The following DSCAM variants were observed in gnomAD, a reference collection of about 807,000 sequenced individuals.
The protein encoded by DSCAM is cell adhesion molecule DSCAM.
Under a neutral mutation model 217.7 loss-of-function variants are expected in DSCAM, and 47 were observed. The ratio of observed to expected loss-of-function variants is 0.22; its 90% CI spans 0.17 to 0.28. The LOEUF (loss-of-function observed/expected upper bound fraction) is 0.28. DSCAM is among the 10% of genes least tolerant of loss of function. The pLI is 1.00. For synonymous variants in DSCAM, 1,056 were observed against 1,015.3 expected (o/e 1.04, Z -0.76); for missense variants, 2,080 against 2,618.3 (o/e 0.79, Z 4.49).
In DSCAM at chr21:40,639,921, T is replaced by C. The variant is rs545571879; in HGVS notation, c.508+52889A>G. 5.3e-5 allele frequency among the ~76,000 whole-genome samples: 8 copies of C among 152,218 alleles called. No individual in the cohort carries two copies. The South Asian group carries it at 1.7e-3, about 32-fold the overall frequency. ...CTTAATGGGAGGAGAAAAAAACCCA[T>C]GCCTTGTTCTACACGGGCTCCATAT... On this transcript the variant is annotated intron_variant, in intron 3 of 32. Coordinates refer to ENST00000400454, the MANE Select transcript of DSCAM (RefSeq NM_001389.5).
At chr21:40,714,807 G>T (rs2090824206) in intron 1 of DSCAM, among the ~76,000 whole-genome samples, 2 of 152,142 alleles carry the variant, frequency 1.3e-5, no homozygotes, top group Admixed American at 1.3e-4. Context: ...GTTTCAGGAG[G>T]CCAGGGCAGA....
chr21:40,238,443 A>C (rs1409254302), intron 11 of DSCAM, among the ~76,000 whole-genome samples: 3 of 152,190 alleles, frequency 2.0e-5, no homozygotes, highest in Non-Finnish European at 2.9e-5. Context: ...AGAGCTGGAT[A>C]GCTTTTGGGG....
intron 1 of DSCAM, among the ~76,000 whole-genome samples, chr21:40,783,986 T>C (rs1259620636): frequency 6.6e-6 from 1 of 151,692 alleles, no homozygotes; most frequent in Non-Finnish European, 1.5e-5. Context: ...GAAAAGAAAA[T>C]ATTTTAAAAG....
intron 3 of DSCAM, among the ~76,000 whole-genome samples, chr21:40,454,885 G>A (rs1045665117): frequency 2.0e-5 from 3 of 152,128 alleles, no homozygotes; most frequent in Non-Finnish European, 4.4e-5. Context: ...CTATCTCGAC[G>A]TCCACAAGAA....
At chr21:40,156,420 T>C (rs1226988627) in intron 16 of DSCAM, among the ~76,000 whole-genome samples, 1 of 151,422 alleles carries the variant, frequency 6.6e-6, no homozygotes, top group Non-Finnish European at 1.5e-5. Flanking sequence ...AAGTATCTGT[T>C]CAGAAGAACC....
At chr21:40,475,077 G>A (rs565362593) in intron 3 of DSCAM, among the ~76,000 whole-genome samples, 66 of 152,288 alleles carry the variant, frequency 4.3e-4, no homozygotes, top group Middle Eastern at 3.4e-3. Context: ...AGCACTTAAG[G>A]TTTCCAGAAG....
At chr21:40,022,756 CAAAT>C (rs1460431423) in intron 32 of DSCAM, among the ~76,000 whole-genome samples, 2 of 150,366 alleles carry the variant, frequency 1.3e-5, no homozygotes, top group Non-Finnish European at 2.9e-5. Flanking sequence ...TGCCTTTAGA[CAAAT>C]GAATGAGGCA....
chr21:40,810,933 A>AT (rs34612538), intron 1 of DSCAM, among the ~76,000 whole-genome samples: 33,731 of 151,894 alleles, frequency 0.22, 5,058 homozygotes, highest in African/African-American at 0.43. Context: ...TATAAAAATA[A>AT]TTTTTTCACT....
chr21:40,308,198 G>C (rs1410902032), intron 9 of DSCAM, among the ~76,000 whole-genome samples: 2 of 152,116 alleles, frequency 1.3e-5, no homozygotes, highest in African/African-American at 4.8e-5. Flanking sequence ...TGCTGTTGGG[G>C]GTCTGGATTT....
intron 1 of DSCAM, among the ~76,000 whole-genome samples, chr21:40,767,297 G>C (rs1427399026): frequency 6.6e-6 from 1 of 152,068 alleles, no homozygotes; most frequent in African/African-American, 2.4e-5. Context: ...TCTGAAATAA[G>C]GGTCGTAGAA....
intron 3 of DSCAM, among the ~76,000 whole-genome samples, chr21:40,502,878 T>C (rs2076180700): frequency 6.6e-6 from 1 of 152,138 alleles, no homozygotes; most frequent in Admixed American, 6.6e-5. Flanking sequence ...TAGTAATAAT[T>C]TGCTAAATGA....
At chr21:40,761,442 T>G (rs541345260) in intron 1 of DSCAM, among the ~76,000 whole-genome samples, 3 of 151,486 alleles carry the variant, frequency 2.0e-5, no homozygotes, top group Non-Finnish European at 4.4e-5. Context: ...CATCTTATAT[T>G]TGAACACAGA....
At chr21:40,222,344 T>C (rs2091295551) in intron 11 of DSCAM, among the ~76,000 whole-genome samples, 1 of 152,236 alleles carries the variant, frequency 6.6e-6, no homozygotes, top group African/African-American at 2.4e-5. Flanking sequence ...AAATCATGCA[T>C]GTGTAAAAGA....
chr21:40,555,036 G>A (rs2076660136), intron 3 of DSCAM, among the ~76,000 whole-genome samples: 1 of 152,178 alleles, frequency 6.6e-6, no homozygotes, highest in South Asian at 2.1e-4. Flanking sequence ...AAGAATGAGT[G>A]AGTGAGTGAA....
intron 3 of DSCAM, among the ~76,000 whole-genome samples, chr21:40,556,678 A>G (rs961566986): frequency 1.3e-5 from 2 of 151,776 alleles, no homozygotes; most frequent in Non-Finnish European, 2.9e-5. Context: ...GAGGTACCAG[A>G]ATCTTTTTAA....
intron 3 of DSCAM, among the ~76,000 whole-genome samples, chr21:40,511,990 C>CA (rs780829574): frequency 0.013 from 356 of 26,750 alleles, 11 homozygotes; most frequent in African/African-American, 0.026. Flanking sequence ...GACTCTGTCT[C>CA]AAAAAAAAAA....
At chr21:40,749,875 C>A (rs907518921) in intron 1 of DSCAM, among the ~76,000 whole-genome samples, 2 of 152,064 alleles carry the variant, frequency 1.3e-5, no homozygotes, top group Admixed American at 1.3e-4. Context: ...CTGTCTGAAA[C>A]CTTGTTATTT....
chr21:40,027,188 A>C (rs1188350405), intron 32 of DSCAM, among the ~76,000 whole-genome samples: 220 of 152,248 alleles, frequency 1.4e-3, no homozygotes, highest in Non-Finnish European at 2.3e-3. Flanking sequence ...TTTCTTTAAG[A>C]ATGTTGAATA....
At chr21:40,821,393 G>GCACACA (rs146285607) in intron 1 of DSCAM, among the ~76,000 whole-genome samples, 109 of 146,236 alleles carry the variant, frequency 7.5e-4, no homozygotes, top group Admixed American at 3.0e-3. Context: ...ACACACGCGC[G>GCACACA]CACACACACA....
Sources: gnomAD v4.1 joint callset for allele counts (sites outside exome capture counted in the v4.1 genomes callset) on GRCh38, gnomAD v4.1.1 for gene constraint, MANE v1.5 for transcripts, NCBI Gene and HGNC (gene_info 2026-07-23, HGNC 2026-07-21) for gene names.